EYA2: variants seen among roughly 807,000 people sequenced by gnomAD.
The protein encoded by EYA2 is protein phosphatase EYA2.
A neutral mutation model predicts 69.2 loss-of-function variants in EYA2; 31 were observed. The observed-to-expected ratio is 0.45, with a 90% CI of 0.34 to 0.60. The LOEUF (loss-of-function observed/expected upper bound fraction) is 0.60, where lower values mean the gene tolerates loss of function less well. EYA2 is among the 20% of genes least tolerant of loss of function. EYA2 has a pLI of 0.02. For synonymous variants in EYA2, 257 were observed against 279.4 expected (o/e 0.92, Z 0.80); for missense variants, 622 against 701.2 (o/e 0.89, Z 1.28).
intron 1 of EYA2, among the ~76,000 whole-genome samples, chr20:46,953,138 G>C (rs1999536): frequency 0.61 from 92,067 of 152,108 alleles, 29,358 homozygotes; most frequent in African/African-American, 0.79. Flanking sequence ...CTTGAGTTGT[G>C]ATCATAGCAA....
chr20:47,183,860 AC>A (rs2034585345), intron 15 of EYA2, among the ~76,000 whole-genome samples: 1 of 152,170 alleles, frequency 6.6e-6, no homozygotes, highest in African/African-American at 2.4e-5. Flanking sequence ...TGGAAAAGAA[AC>A]AGCTGCCAAA....
rs187516885 is a variant in EYA2, at chr20:47,022,778, C to T, written c.415+6481C>T. Among the ~76,000 whole-genome samples the T allele has an allele frequency of 4.6e-3, 685 of 150,094 alleles. 9 individuals carry two copies. Among genetic ancestry groups the T allele is most frequent in the African/African-American group, 0.016 (650 of 40,728 alleles). Reference sequence around the variant, plus strand: ...AAGTGATTCTCCCGCCTCAGCCTTCCGAGTAGCTGGGACTAGCAGGTGCCT... The same window carrying T: ...AAGTGATTCTCCCGCCTCAGCCTTCTGAGTAGCTGGGACTAGCAGGTGCCT... On this transcript the variant is annotated intron_variant, in intron 5 of 15. Coordinates refer to ENST00000327619, the MANE Select transcript of EYA2 (RefSeq NM_005244.5).
At chr20:47,033,273 G>A (rs1307020166) in intron 5 of EYA2, among the ~76,000 whole-genome samples, 1 of 152,216 alleles carries the variant, frequency 6.6e-6, no homozygotes. Flanking sequence ...TCTAGAAGGG[G>A]TGATAGAGAT....
At chr20:47,102,399 GA>G (rs2032450011) in intron 9 of EYA2, among the ~76,000 whole-genome samples, 1 of 152,364 alleles carries the variant, frequency 6.6e-6, no homozygotes, top group East Asian at 1.9e-4. Context: ...AATCCTTCCA[GA>G]AGAGTATGAA....
intron 9 of EYA2, among the ~76,000 whole-genome samples, chr20:47,106,009 A>G (rs2032568535): frequency 6.6e-6 from 1 of 152,242 alleles, no homozygotes; most frequent in Non-Finnish European, 1.5e-5. Flanking sequence ...ACCTCTCCAC[A>G]GGGCAGGTTT....
intron 2 of EYA2, among the ~76,000 whole-genome samples, chr20:46,997,210 G>A (rs552763377): frequency 7.9e-5 from 12 of 152,250 alleles, no homozygotes; most frequent in African/African-American, 1.7e-4. Context: ...ACTCACTAAC[G>A]TGAGAACATG....
intron 1 of EYA2, among the ~76,000 whole-genome samples, chr20:46,925,165 A>G (rs1363243742): frequency 6.6e-6 from 1 of 152,214 alleles, no homozygotes; most frequent in Non-Finnish European, 1.5e-5. Flanking sequence ...GAGGACCCAT[A>G]TAACTCCAAT....
chr20:47,180,035 A>G (rs2034507999), intron 13 of EYA2, 123 bp downstream of exon 13: 1 of 680,466 alleles, frequency 1.5e-6, no homozygotes, highest in African/African-American at 2.0e-5. Context: ...ACACTTTCCA[A>G]ATATTTTTTT....
intron 9 of EYA2, among the ~76,000 whole-genome samples, chr20:47,119,234 G>A (rs1202123109): frequency 2.0e-5 from 3 of 152,180 alleles, no homozygotes; most frequent in African/African-American, 7.2e-5. Flanking sequence ...ACGGCAGGAA[G>A]GTGTCAACGC....
chr20:47,161,192 G>A (rs1370257813), intron 10 of EYA2: 2 of 457,644 alleles, frequency 4.4e-6, no homozygotes, highest in Non-Finnish European at 8.0e-6. Context: ...ACAAGGGACG[G>A]TGTGGGGCTT....
chr20:46,968,853 CTG>C (rs1325992088), intron 1 of EYA2, among the ~76,000 whole-genome samples: 2 of 152,300 alleles, frequency 1.3e-5, no homozygotes, highest in East Asian at 3.9e-4. Context: ...CTGGGTCGCT[CTG>C]TGTCCTTGTT....
chr20:47,089,939 T>A (rs2032022769), intron 8 of EYA2, among the ~76,000 whole-genome samples: 4 of 152,038 alleles, frequency 2.6e-5, no homozygotes. Flanking sequence ...ACATTCTCGG[T>A]GGGGACTCTA....
intron 7 of EYA2, among the ~76,000 whole-genome samples, chr20:47,082,800 A>G (rs1262485904): frequency 1.3e-5 from 2 of 152,214 alleles, no homozygotes; most frequent in East Asian, 3.8e-4. Flanking sequence ...TTAGAGGGCT[A>G]AGACTACCTG....
rs750775807 is a variant in EYA2 at position 46,990,046 on chromosome 20, A to C, written c.36A>C (p.Val12=). ...VELVISPSLT[V]NSDCLDKLKF... ...TAGTGATCTCACCCAGCCTCACTGT[A>C]AACAGCGATTGTCTGGATAAACTGA... Residue 12 remains valine (V), a synonymous_variant, in exon 2 of 16, where the codon GTA becomes GTC. Transcript: ENST00000327619. The C allele has an allele frequency of 6.2e-7, 1 of 1,611,996 alleles. No homozygotes were observed. Among genetic ancestry groups the C allele is most frequent in the Non-Finnish European group, 8.5e-7 (1 of 1,178,080 alleles).
chr20:47,116,541 C>G (rs898021438), intron 9 of EYA2, among the ~76,000 whole-genome samples: 1 of 152,140 alleles, frequency 6.6e-6, no homozygotes, highest in Non-Finnish European at 1.5e-5. Context: ...AATCTCCCCT[C>G]CCCCATTATT....
At chr20:47,094,504 C>CT (rs1307510152) in intron 8 of EYA2, among the ~76,000 whole-genome samples, 5 of 152,312 alleles carry the variant, frequency 3.3e-5, no homozygotes, top group Middle Eastern at 3.4e-3. Flanking sequence ...ATCTGGGATG[C>CT]TAATACCTTT....
At chr20:47,182,138 C>G (rs1488305835) in intron 14 of EYA2, among the ~76,000 whole-genome samples, 1 of 151,952 alleles carries the variant, frequency 6.6e-6, no homozygotes, top group African/African-American at 2.4e-5. Context: ...GCCTCAGCCT[C>G]CTGAGTAGCA....
intron 2 of EYA2, among the ~76,000 whole-genome samples, chr20:46,995,468 TCAGTGA>T (rs1359190400): frequency 6.6e-6 from 1 of 152,170 alleles, no homozygotes; most frequent in Non-Finnish European, 1.5e-5. Context: ...ACAGAGCCTC[TCAGTGA>T]CAGTCAGAAT....
intron 1 of EYA2, among the ~76,000 whole-genome samples, chr20:46,928,575 T>C (rs188388882): frequency 1.3e-5 from 2 of 152,306 alleles, no homozygotes; most frequent in Admixed American, 1.3e-4. Flanking sequence ...AAACAGAAGT[T>C]GAAGCCAAGT....
Sources: allele counts gnomAD v4.1 joint callset (sites outside exome capture counted in the v4.1 genomes callset), GRCh38; gene constraint gnomAD v4.1.1; transcripts MANE v1.5; gene names NCBI Gene and HGNC (gene_info 2026-07-23, HGNC 2026-07-21).